Variants in ZNF407 observed in about 807,000 individuals in gnomAD.
ZNF407 encodes the protein zinc finger protein 407.
Under a neutral mutation model 131.2 loss-of-function variants are expected in ZNF407, and 17 were observed. The ratio of observed to expected loss-of-function variants is 0.13; its 90% CI spans 0.09 to 0.19. The LOEUF (loss-of-function observed/expected upper bound fraction) is 0.19. Among genes scored for constraint, ZNF407 ranks in the 10% least tolerant of loss-of-function variants. The pLI, the probability that ZNF407 is intolerant of heterozygous loss-of-function variation, is 1.00. For synonymous variants in ZNF407, 1,156 were observed against 1,062.0 expected (o/e 1.09, Z -1.72); for missense variants, 2,681 against 2,830.6 (o/e 0.95, Z 1.20).
chr18:74,760,841 T>C (rs11665117), intron 3 of ZNF407, among the ~76,000 whole-genome samples: 119,029 of 152,142 alleles, frequency 0.78, 50,453 homozygotes, highest in Non-Finnish European at 0.93. Flanking sequence ...GGGCATGAGA[T>C]TGGAATAAGT....
intron 4 of ZNF407, among the ~76,000 whole-genome samples, chr18:74,788,784 G>A (rs974909448): frequency 3.3e-5 from 5 of 149,338 alleles, no homozygotes; most frequent in Admixed American, 6.7e-5. Context: ...TGTGTATCCT[G>A]AGTATTATTT....
Position 74,631,719 on chromosome 18 carries a change from A to C in ZNF407, c.700A>C (p.Ile234Leu). 1 of 1,614,036 alleles carries C rather than the reference A, an allele frequency of 6.2e-7. No homozygotes were observed. Among genetic ancestry groups the C allele is most frequent in the Non-Finnish European group, 8.5e-7 (1 of 1,179,896 alleles). The stretch of plus-strand genomic sequence containing the variant: ...GAGCAGCTCAGCACTACATATGCAT[A>C]TCAAACAAGCACATGGGCCACAGAA... ...AESSSALHMHIKQAHGPQKVF... is the reference protein window; with the variant it reads ...AESSSALHMHLKQAHGPQKVF... The change falls in exon 2 of 9, where the codon ATC becomes CTC. Residue 234 changes from isoleucine to leucine, a missense_variant. This residue lies in a region of ZNF407 where 1,789 missense variants were observed against 1,748.7 expected (regional missense o/e 1.02). Transcript: ENST00000299687.
intron 3 of ZNF407, among the ~76,000 whole-genome samples, chr18:74,765,462 T>C (rs749119193): frequency 2.0e-5 from 3 of 152,246 alleles, no homozygotes; most frequent in Admixed American, 2.0e-4. Flanking sequence ...TTTGCTTTGC[T>C]TTTAAGCAGG....
rs372278926 is a variant in ZNF407 at position 74,848,026 on chromosome 18, T to G, written c.4878-29171T>G. On this transcript the variant is annotated intron_variant, in intron 4 of 8. Transcript: ENST00000299687. ...AAACTTAAATTTAGAAGTGATGCCT[T>G]TTTTTCTAATTACAAATTTGTTTAT... Among the ~76,000 whole-genome samples the G allele has an allele frequency of 1.4e-4, 22 of 152,284 alleles. 2 individuals carry two copies. The South Asian group carries it at 4.4e-3, about 30-fold the overall frequency.
intron 1 of ZNF407, among the ~76,000 whole-genome samples, chr18:74,619,686 CTGT>C (rs1333634943): frequency 3.9e-5 from 6 of 152,168 alleles, no homozygotes; most frequent in African/African-American, 1.4e-4. Flanking sequence ...GATATAAATT[CTGT>C]TGTTTCAGTT....
chr18:74,916,524 G>A (rs1281544093), intron 7 of ZNF407, among the ~76,000 whole-genome samples: 4 of 117,740 alleles, frequency 3.4e-5, no homozygotes, highest in African/African-American at 1.1e-4. Flanking sequence ...GTATGGTGAG[G>A]TTGTGTGCAG....
At chr18:74,977,492 G>A (rs1972540973) in intron 8 of ZNF407, among the ~76,000 whole-genome samples, 1 of 152,130 alleles carries the variant, frequency 6.6e-6, no homozygotes, top group South Asian at 2.1e-4. Context: ...TCTCACACAC[G>A]TTTTCACATC....
chr18:74,674,432 A>G (rs1362954651), intron 3 of ZNF407, among the ~76,000 whole-genome samples: 1 of 151,770 alleles, frequency 6.6e-6, no homozygotes, highest in Admixed American at 6.6e-5. Flanking sequence ...ACATTACCAA[A>G]TATCTTCATC....
intron 4 of ZNF407, among the ~76,000 whole-genome samples, chr18:74,854,018 A>G (rs1310746034): frequency 1.3e-5 from 2 of 152,140 alleles, no homozygotes; most frequent in South Asian, 2.1e-4. Flanking sequence ...ACCTCTTAAC[A>G]TTACCTGTCA....
intron 1 of ZNF407, among the ~76,000 whole-genome samples, chr18:74,622,828 A>G (rs1340672074): frequency 6.7e-5 from 3 of 45,012 alleles, no homozygotes; most frequent in African/African-American, 1.6e-4. Flanking sequence ...GAATGTGAGT[A>G]CGTGTGAGTG....
intron 3 of ZNF407, among the ~76,000 whole-genome samples, chr18:74,729,601 T>C (rs1478812449): frequency 6.6e-6 from 1 of 152,154 alleles, no homozygotes; most frequent in Non-Finnish European, 1.5e-5. Context: ...TAAAATATGC[T>C]GTGTTCTGTA....
chr18:74,772,809 T>C (rs1050906565), intron 3 of ZNF407, among the ~76,000 whole-genome samples: 4 of 152,156 alleles, frequency 2.6e-5, no homozygotes, highest in Admixed American at 2.6e-4. Flanking sequence ...GTGAATTGTA[T>C]GGGAGAGTGC....
rs143357091 is a variant in ZNF407 at position 74,826,256 on chromosome 18, T to C, written c.4877+44754T>C. ...TTGTACTTCTGGTTATATGGCAATGTGGTGAATTTTAGAAAACTGATAGGA... is the reference window on the plus strand; with the variant it reads ...TTGTACTTCTGGTTATATGGCAATGCGGTGAATTTTAGAAAACTGATAGGA... On this transcript the variant is annotated intron_variant, in intron 4 of 8. Coordinates refer to ENST00000299687, the MANE Select transcript of ZNF407 (RefSeq NM_017757.3). 1.7e-4 allele frequency among the ~76,000 whole-genome samples: 26 copies of C among 152,298 alleles called. No individual in the cohort carries two copies. In the East Asian group the frequency reaches 5.0e-3, roughly 29 times the overall value.
chr18:74,601,938 C>T (rs527438938), intron 1 of ZNF407, among the ~76,000 whole-genome samples: 1 of 152,298 alleles, frequency 6.6e-6, no homozygotes, highest in South Asian at 2.1e-4. Flanking sequence ...TGTCCCTATA[C>T]AATATATGCA....
chr18:74,605,174 A>G (rs1982748975), intron 1 of ZNF407, among the ~76,000 whole-genome samples: 1 of 152,106 alleles, frequency 6.6e-6, no homozygotes, highest in African/African-American at 2.4e-5. Context: ...CTAGGGTAAG[A>G]GACATTCCGG....
At chr18:74,864,499 C>A (rs1290034446) in intron 4 of ZNF407, among the ~76,000 whole-genome samples, 9 of 152,106 alleles carry the variant, frequency 5.9e-5, no homozygotes, top group African/African-American at 2.2e-4. Context: ...TTGAATATGT[C>A]ATTGGGAACA....
chr18:74,613,978 A>G (rs1467299402), intron 1 of ZNF407, among the ~76,000 whole-genome samples: 1 of 152,222 alleles, frequency 6.6e-6, no homozygotes, highest in Admixed American at 6.5e-5. Context: ...TTAGACCTAG[A>G]ACAAACAACA....
At chr18:74,942,926 T>G (rs147159333) in intron 8 of ZNF407, among the ~76,000 whole-genome samples, 1 of 152,104 alleles carries the variant, frequency 6.6e-6, no homozygotes, top group East Asian at 1.9e-4. Context: ...ATCTTTTTTT[T>G]TTTGTTTGAG....
intron 8 of ZNF407, chr18:75,062,345 T>C (rs1427394754): frequency 6.6e-6 from 1 of 152,266 alleles, no homozygotes; most frequent in African/African-American, 2.4e-5. Context: ...CACATCTTTG[T>C]TGATTACTTA....
Sources: allele counts gnomAD v4.1 joint callset (sites outside exome capture counted in the v4.1 genomes callset), GRCh38; gene constraint gnomAD v4.1.1; regional missense constraint gnomAD v4.1.1; transcripts MANE v1.5; gene names NCBI Gene and HGNC (gene_info 2026-07-23, HGNC 2026-07-21).